The following PCNX1 variants were observed in gnomAD, a reference collection of about 807,000 sequenced individuals.
The protein encoded by PCNX1 is pecanex 1, also known as pecanex-like protein 1.
A neutral mutation model predicts 242.2 loss-of-function variants in PCNX1; 78 were observed. The observed-to-expected ratio is 0.32, with a 90% CI of 0.27 to 0.39. The LOEUF (loss-of-function observed/expected upper bound fraction) is 0.39, where lower values mean the gene tolerates loss of function less well. PCNX1 is among the 10% of genes least tolerant of loss of function. The probability of loss-of-function intolerance (pLI) is 1.00; values close to 1 mark genes in which losing one functional copy is unlikely to be tolerated. For missense variants in PCNX1, 2,581 were observed against 2,856.5 expected, an observed-to-expected ratio of 0.90 and a Z score of 2.20; for synonymous variants, 1,024 against 1,032.9, an observed-to-expected ratio of 0.99 and a Z score of 0.17.
chr14:70,976,606 C>T lies in PCNX1; in HGVS notation c.605-336C>T, dbSNP rs760427421. On this transcript the variant is annotated intron_variant, in intron 5 of 35. Coordinates refer to ENST00000304743, the MANE Select transcript of PCNX1 (RefSeq NM_014982.3). ...GCCAGGATGGTCTTGATCTCCTGACCTTGTGATCCACCCACCTTGGCCTCC... is the reference window on the plus strand; with the variant it reads ...GCCAGGATGGTCTTGATCTCCTGACTTTGTGATCCACCCACCTTGGCCTCC... Among the ~76,000 whole-genome samples the T allele has an allele frequency of 2.0e-4, 31 of 152,198 alleles. 1 individual carries two copies. Among genetic ancestry groups the T allele is most frequent in the Admixed American group, 1.5e-3 (23 of 15,280 alleles).
At chr14:71,103,060 C>T (rs562468484) in intron 31 of PCNX1, among the ~76,000 whole-genome samples, 2 of 152,094 alleles carry the variant, frequency 1.3e-5, no homozygotes, top group Admixed American at 6.5e-5. Flanking sequence ...TTCTTTCAAC[C>T]GTAAATATTT....
intron 30 of PCNX1, among the ~76,000 whole-genome samples, chr14:71,091,099 G>A (rs1329978725): frequency 1.3e-5 from 2 of 152,164 alleles, no homozygotes; most frequent in Non-Finnish European, 2.9e-5. Flanking sequence ...GAGGGCTGAG[G>A]GGAGGAGAGG....
chr14:70,966,589 T>C (rs1205234119), intron 3 of PCNX1, among the ~76,000 whole-genome samples: 12 of 152,180 alleles, frequency 7.9e-5, no homozygotes, highest in Admixed American at 7.9e-4. Context: ...CACCTACCTC[T>C]AGACCAGGGA....
At chr14:71,091,108 G>C (rs898188108) in intron 30 of PCNX1, among the ~76,000 whole-genome samples, 2 of 152,154 alleles carry the variant, frequency 1.3e-5, no homozygotes, top group Non-Finnish European at 2.9e-5. Flanking sequence ...GGGGAGGAGA[G>C]GAAGTGGAGA....
chr14:71,058,985 C>T (rs2061254869), intron 26 of PCNX1, among the ~76,000 whole-genome samples: 1 of 152,196 alleles, frequency 6.6e-6, no homozygotes, highest in Non-Finnish European at 1.5e-5. Context: ...ACCCTTACCA[C>T]CATTCCTGCT....
At chr14:71,012,841 G>C in intron 10 of PCNX1, 144 bp from the exon 11 acceptor site, 1 of 577,642 alleles carries the variant, frequency 1.7e-6, no homozygotes, top group Non-Finnish European at 3.0e-6. Flanking sequence ...AAAAAAAAGT[G>C]TATGAGAGAA....
At chr14:70,952,211 A>G (rs1218371962) in intron 2 of PCNX1, among the ~76,000 whole-genome samples, 1 of 152,144 alleles carries the variant, frequency 6.6e-6, no homozygotes, top group African/African-American at 2.4e-5. Flanking sequence ...TTATTTCTGG[A>G]TATTATATAT....
intron 6 of PCNX1, among the ~76,000 whole-genome samples, chr14:70,982,498 T>C (rs1473522025): frequency 6.6e-6 from 1 of 152,198 alleles, no homozygotes; most frequent in Admixed American, 6.5e-5. Flanking sequence ...AACTTAATAC[T>C]GTATTAAAGT....
At chr14:71,056,914 T>G (rs547492618) in intron 25 of PCNX1, among the ~76,000 whole-genome samples, 2 of 152,308 alleles carry the variant, frequency 1.3e-5, no homozygotes, top group South Asian at 4.1e-4. Flanking sequence ...CCTGAAGTGA[T>G]CTGCCCACCT....
intron 34 of PCNX1, 45 bp downstream of exon 34, chr14:71,109,091 T>C: frequency 1.4e-6 from 2 of 1,446,328 alleles, no homozygotes. Context: ...TGTTACTTAT[T>C]TGTTTTTATT....
At chr14:70,917,131 T>C (rs2810073) in intron 1 of PCNX1, among the ~76,000 whole-genome samples, 96,467 of 152,072 alleles carry the variant, frequency 0.63, 30,875 homozygotes, top group South Asian at 0.72. Context: ...AGTTCTCTTT[T>C]TGTTTTCACC....
At chr14:70,937,249 G>C (rs2057044078) in intron 1 of PCNX1, among the ~76,000 whole-genome samples, 1 of 152,112 alleles carries the variant, frequency 6.6e-6, no homozygotes, top group Non-Finnish European at 1.5e-5. Flanking sequence ...TTTTCTTCTA[G>C]GGTTTTTATG....
chr14:70,954,483 T>G (rs927765148), intron 2 of PCNX1, among the ~76,000 whole-genome samples: 13 of 152,216 alleles, frequency 8.5e-5, no homozygotes, highest in African/African-American at 2.7e-4. Flanking sequence ...TGTAGGTCCC[T>G]CTGCTGAGAA....
chr14:71,105,388 G>C lies in PCNX1; in HGVS notation c.6249G>C (p.Gln2083His). The C allele has an allele frequency of 6.2e-7, 1 of 1,614,084 alleles. No individual in the cohort carries two copies. The highest frequency in any genetic ancestry group is 2.2e-5 in the East Asian group (1 of 44,878). ...VTQGSIGNPG[Q>H]GSGTGLHPPV... is the part of the protein sequence containing the mutation. ...AGGGAAGCATTGGAAATCCTGGGCA[G>C]GGATCAGGAACTGGACTCCACCCAC... The change falls in exon 33 of 36, where the codon CAG becomes CAC. Residue 2083 changes from glutamine (Q) to histidine (H), a missense_variant. Coordinates refer to ENST00000304743, the MANE Select transcript of PCNX1 (RefSeq NM_014982.3).
intron 2 of PCNX1, among the ~76,000 whole-genome samples, chr14:70,960,862 A>G (rs1292607435): frequency 6.6e-6 from 1 of 152,136 alleles, no homozygotes. Context: ...GCATTCTTAT[A>G]CACCAATAAC....
At chr14:71,045,306 T>C (rs1331624864) in intron 20 of PCNX1, 23 bp downstream of exon 20, 3 of 1,539,280 alleles carry the variant, frequency 1.9e-6, no homozygotes, top group South Asian at 2.3e-5. Flanking sequence ...TTAGCACTTT[T>C]TCTTTTTAAT....
intron 2 of PCNX1, among the ~76,000 whole-genome samples, chr14:70,954,505 A>G (rs2057913877): frequency 6.6e-6 from 1 of 152,162 alleles, no homozygotes; most frequent in South Asian, 2.1e-4. Flanking sequence ...TTGCATCTTT[A>G]CAATATTGAA....
chr14:70,994,403 ATATATATATATATATATATATATATATG>A (rs1409110136), intron 7 of PCNX1, among the ~76,000 whole-genome samples: 2 of 41,444 alleles, frequency 4.8e-5, no homozygotes, highest in African/African-American at 2.2e-4. Flanking sequence ...TAAGATATAT[ATATATATATATATATATATATATATATG>A]TATGTATGTA....
intron 25 of PCNX1, among the ~76,000 whole-genome samples, chr14:71,056,238 T>C (rs2286311): frequency 0.56 from 84,821 of 152,058 alleles, 25,065 homozygotes; most frequent in East Asian, 0.74. Flanking sequence ...TACAAATTCC[T>C]TCAAATCTGA....
Sources: allele counts gnomAD v4.1 joint callset (sites outside exome capture counted in the v4.1 genomes callset), GRCh38; gene constraint gnomAD v4.1.1; transcripts MANE v1.5; gene names NCBI Gene and HGNC (gene_info 2026-07-23, HGNC 2026-07-21).